PCSK6: variants seen among roughly 807,000 people sequenced by gnomAD.
The protein encoded by PCSK6 is paired basic amino acid cleaving enzyme 4.
A neutral mutation model predicts 123.3 loss-of-function variants in PCSK6; 85 were observed. The ratio of observed to expected loss-of-function variants is 0.69; its 90% confidence interval spans 0.58 to 0.83. The LOEUF (loss-of-function observed/expected upper bound fraction) is 0.83, where lower values mean the gene tolerates loss of function less well. PCSK6 is among the 40% of genes least tolerant of loss of function. PCSK6 has a pLI of 0.00. For synonymous variants in PCSK6, 508 were observed against 516.0 expected (o/e 0.98, Z 0.21); for missense variants, 1,191 against 1,282.3 (o/e 0.93, Z 1.09).
intron 13 of PCSK6, among the ~76,000 whole-genome samples, chr15:101,349,599 G>C (rs2040839299): frequency 6.6e-6 from 1 of 152,300 alleles, no homozygotes; most frequent in Admixed American, 6.5e-5. Context: ...GGCAGGTAGG[G>C]AGAGGGGAGA....
chr15:101,409,285 G>C (rs937568757), intron 6 of PCSK6, among the ~76,000 whole-genome samples: 1 of 151,014 alleles, frequency 6.6e-6, no homozygotes, highest in African/African-American at 2.4e-5. Context: ...GTGAAACCCT[G>C]TCTCTATTAA....
intron 8 of PCSK6, 118 bp downstream of exon 8, chr15:101,393,093 TG>T: frequency 1.1e-6 from 1 of 872,838 alleles, no homozygotes; most frequent in Non-Finnish European, 1.9e-6. Flanking sequence ...GCTGGGACCC[TG>T]GGATCCGGAA....
intron 11 of PCSK6, among the ~76,000 whole-genome samples, chr15:101,377,601 A>G (rs906358062): frequency 2.0e-5 from 3 of 152,214 alleles, no homozygotes; most frequent in Non-Finnish European, 2.9e-5. Context: ...TATAATCACA[A>G]TCCATTATCT....
At chr15:101,443,319 C>A (rs1596338169) in intron 2 of PCSK6, among the ~76,000 whole-genome samples, 1 of 152,142 alleles carries the variant, frequency 6.6e-6, no homozygotes, top group East Asian at 1.9e-4. Flanking sequence ...GGGTAAGATT[C>A]ATATATGTAT....
At chr15:101,366,551 T>C (rs560229710) in intron 12 of PCSK6, among the ~76,000 whole-genome samples, 1 of 152,240 alleles carries the variant, frequency 6.6e-6, no homozygotes, top group African/African-American at 2.4e-5. Context: ...ATCACCTCCT[T>C]GAACCTCCTT....
At chr15:101,395,188 G>A (rs2042370099) in intron 7 of PCSK6, among the ~76,000 whole-genome samples, 1 of 152,166 alleles carries the variant, frequency 6.6e-6, no homozygotes. Context: ...CTTTTGCAAG[G>A]TGGAGCATGC....
Position 101,313,370 on chromosome 15 carries a change from C to T in PCSK6, c.2699+6G>A. ...TGCCTGCCGTTCCCCGCCAGGAGGA[C>T]CGTACCTTCGACACACTTTGTGGGG... is the stretch of plus-strand genomic sequence containing the variant. On this transcript the variant is annotated splice_donor_region_variant and intron_variant, in intron 20 of 21. Transcript: ENST00000611716. 2 of 1,612,770 alleles carry T rather than the reference C, an allele frequency of 1.2e-6. No homozygotes were observed. The highest frequency in any genetic ancestry group is 1.7e-6 in the Non-Finnish European group (2 of 1,179,862).
At position 101,480,682 on chromosome 15, in the gene PCSK6, C is replaced by T. The variant is rs924487584; in HGVS notation, c.297+8692G>A. 3.9e-5 allele frequency among the ~76,000 whole-genome samples: 6 copies of T among 152,216 alleles called. No homozygotes were observed. In the East Asian group the frequency reaches 9.6e-4, roughly 24 times the overall value. On this transcript the variant is annotated intron_variant, in intron 1 of 21. Coordinates refer to ENST00000611716, the MANE Select transcript of PCSK6 (RefSeq NM_002570.5). ...GGACCCGCAGGGTGTGAAGCATCCA[C>T]AGTGAGCTCCAGGGCACCAGTGGGG...
chr15:101,401,464 G>A (rs775764216), intron 6 of PCSK6, among the ~76,000 whole-genome samples: 2 of 152,206 alleles, frequency 1.3e-5, no homozygotes, highest in Non-Finnish European at 2.9e-5. Context: ...CAAGGCAAGT[G>A]GACTTAGATG....
In PCSK6 at chr15:101,398,595, C is replaced by T. The variant is rs764090612; in HGVS notation, c.824-19G>A. On this transcript the variant is annotated intron_variant, in intron 6 of 21. Coordinates refer to ENST00000611716, the MANE Select transcript of PCSK6 (RefSeq NM_002570.5). The surrounding 1 kb of genome is among the most constrained non-coding windows in gnomAD (Gnocchi z 4.6). Reference sequence around the variant, plus strand: ...CGGATGCCTGAAAGCACAGAGGAGGCTCGGTGTCGGCGCCCAGGCTCCGGG... The same window carrying T: ...CGGATGCCTGAAAGCACAGAGGAGGTTCGGTGTCGGCGCCCAGGCTCCGGG... 1 of 1,598,186 alleles carries T rather than the reference C, an allele frequency of 6.3e-7. No homozygotes were observed. Among genetic ancestry groups the T allele is most frequent in the Non-Finnish European group, 8.5e-7 (1 of 1,170,462 alleles).
chr15:101,434,167 T>C (rs192067639), intron 2 of PCSK6, among the ~76,000 whole-genome samples: 2 of 152,370 alleles, frequency 1.3e-5, no homozygotes, highest in African/African-American at 4.8e-5. Context: ...TGGTCTAAGA[T>C]GCCGCAAACA....
chr15:101,414,562 G>A (rs2055818588), intron 6 of PCSK6, among the ~76,000 whole-genome samples: 1 of 152,134 alleles, frequency 6.6e-6, no homozygotes, highest in African/African-American at 2.4e-5. Context: ...TTGCTCAGGT[G>A]AAAGAGTTAA....
intron 1 of PCSK6, among the ~76,000 whole-genome samples, chr15:101,479,742 C>T (rs931210236): frequency 1.3e-5 from 2 of 152,200 alleles, no homozygotes; most frequent in Admixed American, 6.5e-5. Flanking sequence ...GGTGGGAGGG[C>T]CCTTATCCAA....
At chr15:101,313,722 G>C in intron 19 of PCSK6, 2 of 584,856 alleles carry the variant, frequency 3.4e-6, no homozygotes, top group South Asian at 4.5e-5. Context: ...GGACATCGAG[G>C]CATGAGATGA....
intron 2 of PCSK6, among the ~76,000 whole-genome samples, chr15:101,436,851 G>T (rs2141134362): frequency 6.6e-6 from 1 of 152,290 alleles, no homozygotes; most frequent in East Asian, 1.9e-4. Context: ...AAAGCTGACT[G>T]GTGAATTTAA....
chr15:101,355,646 G>A (rs755534862), intron 13 of PCSK6, among the ~76,000 whole-genome samples: 1 of 152,282 alleles, frequency 6.6e-6, no homozygotes, highest in Non-Finnish European at 1.5e-5. Context: ...GCATGAACAG[G>A]AGAACACCAT....
intron 1 of PCSK6, among the ~76,000 whole-genome samples, chr15:101,486,786 T>C (rs1328697765): frequency 6.6e-5 from 10 of 152,362 alleles, no homozygotes; most frequent in East Asian, 1.9e-4. Flanking sequence ...ACAGCGACTA[T>C]CTGGGAGAAA....
intron 6 of PCSK6, among the ~76,000 whole-genome samples, chr15:101,427,427 CA>C (rs2056296397): frequency 6.6e-6 from 1 of 152,080 alleles, no homozygotes; most frequent in Non-Finnish European, 1.5e-5. Flanking sequence ...GTCTAAGGGG[CA>C]CTATGAAAAA....
At chr15:101,414,266 T>G (rs2055807774) in intron 6 of PCSK6, among the ~76,000 whole-genome samples, 1 of 152,132 alleles carries the variant, frequency 6.6e-6, no homozygotes, top group Non-Finnish European at 1.5e-5. Context: ...TATATAACCA[T>G]TCATACCTAT....
Sources: gnomAD v4.1 joint callset for allele counts (sites outside exome capture counted in the v4.1 genomes callset) on GRCh38, gnomAD v4.1.1 for gene constraint, Gnocchi (gnomAD v3.1) non-coding constraint, MANE v1.5 for transcripts, NCBI Gene and HGNC (gene_info 2026-07-23, HGNC 2026-07-21) for gene names.